The following DPH6 variants were observed in gnomAD, a reference collection of about 807,000 sequenced individuals.
The protein encoded by DPH6 is diphthamine biosynthesis 6.
Under a neutral mutation model 38.2 loss-of-function variants are expected in DPH6, and 33 were observed. That is an observed-to-expected ratio of 0.86 (90% CI 0.65 to 1.15). The LOEUF (loss-of-function observed/expected upper bound fraction) is 1.15, where lower values mean the gene tolerates loss of function less well. DPH6 is among the 50% of genes most tolerant of loss of function. DPH6 has a pLI of 0.00. For synonymous variants in DPH6, 108 were observed against 103.0 expected (o/e 1.05, Z -0.30); for missense variants, 325 against 320.0 (o/e 1.02, Z -0.12).
chr15:35,432,776 G>C (rs1227503362), intron 5 of DPH6, among the ~76,000 whole-genome samples: 1 of 152,068 alleles, frequency 6.6e-6, no homozygotes, highest in Non-Finnish European at 1.5e-5. Flanking sequence ...GAATTAAGAA[G>C]AAAATAAAGG....
At chr15:35,410,696 G>T in intron 6 of DPH6, 139 bp downstream of exon 6, 1 of 662,370 alleles carries the variant, frequency 1.5e-6, no homozygotes, top group South Asian at 2.5e-5. Context: ...TCCATTTGAA[G>T]TTTAATTTTT....
At chr15:35,341,046 A>T (rs1260777019) in intron 3 of DPH6, among the ~76,000 whole-genome samples, 1 of 152,124 alleles carries the variant, frequency 6.6e-6, no homozygotes, top group East Asian at 1.9e-4. Flanking sequence ...ACATAATTCC[A>T]TAATTCTTGG....
At chr15:35,245,226 T>C (rs1445480865) in intron 3 of DPH6, among the ~76,000 whole-genome samples, 2 of 147,752 alleles carry the variant, frequency 1.4e-5, no homozygotes, top group Non-Finnish European at 3.0e-5. Context: ...TGGGTCATTG[T>C]TCTTGCTTTT....
chr15:35,298,780 C>T (rs1473864600), intron 3 of DPH6: 26 of 1,284,632 alleles, frequency 2.0e-5, no homozygotes, highest in Middle Eastern at 2.1e-4. Context: ...TGCGCTGGGC[C>T]GGGTTGGAGA....
chr15:35,231,910 C>T (rs999841345), intron 3 of DPH6, among the ~76,000 whole-genome samples: 3 of 152,096 alleles, frequency 2.0e-5, no homozygotes, highest in Non-Finnish European at 2.9e-5. Flanking sequence ...TCACTCATTA[C>T]CACGGGTAGG....
At chr15:35,285,092 G>C (rs1038266292) in intron 3 of DPH6, among the ~76,000 whole-genome samples, 13 of 152,026 alleles carry the variant, frequency 8.6e-5, no homozygotes, top group Non-Finnish European at 1.6e-4. Flanking sequence ...TTACAGGTGT[G>C]AGCCACCATG....
intron 3 of DPH6, among the ~76,000 whole-genome samples, chr15:35,232,534 C>T (rs571883337): frequency 6.6e-6 from 1 of 152,078 alleles, no homozygotes; most frequent in Admixed American, 6.5e-5. Flanking sequence ...TGAGCTGAGA[C>T]CGCACCACTG....
the DPH6 span, among the ~76,000 whole-genome samples, chr15:35,201,598 A>G: frequency 6.6e-6 from 1 of 151,764 alleles, no homozygotes; most frequent in Non-Finnish European, 1.5e-5. Context: ...ATAATTCTTG[A>G]CATTTATTTG....
downstream of DPH6, among the ~76,000 whole-genome samples, chr15:35,328,728 T>C (rs537179892): frequency 8.3e-4 from 127 of 152,230 alleles, no homozygotes; most frequent in Non-Finnish European, 1.4e-3. Flanking sequence ...ATAATGTCAT[T>C]AGTCCAAACA....
intron 3 of DPH6, among the ~76,000 whole-genome samples, chr15:35,350,603 C>T (rs1036589659): frequency 1.3e-5 from 2 of 152,122 alleles, no homozygotes; most frequent in African/African-American, 4.8e-5. Flanking sequence ...GCTGCTTTTG[C>T]TGCATCCAAT....
intron 3 of DPH6, among the ~76,000 whole-genome samples, chr15:35,496,567 A>AAAAAAAATATATATATATAT: frequency 5.5e-4 from 17 of 31,002 alleles, no homozygotes; most frequent in African/African-American, 1.8e-3. Context: ...AAAAAAAAAA[A>AAAAAAAATATATATATATAT]ATATATATAT....
intron 6 of DPH6, among the ~76,000 whole-genome samples, chr15:35,382,616 G>A (rs1032532783): frequency 2.0e-5 from 3 of 152,242 alleles, no homozygotes; most frequent in Non-Finnish European, 4.4e-5. Context: ...GAATGAAAAC[G>A]CTGTGTTTAG....
intron 3 of DPH6, among the ~76,000 whole-genome samples, chr15:35,497,255 CAAT>C (rs1322391018): frequency 6.6e-6 from 1 of 152,140 alleles, no homozygotes; most frequent in Non-Finnish European, 1.5e-5. Context: ...GCCTGTCAAA[CAAT>C]AAGTAGTCAA....
At chr15:35,383,645 A>C (rs2052902207) in intron 6 of DPH6, among the ~76,000 whole-genome samples, 1 of 152,214 alleles carries the variant, frequency 6.6e-6, no homozygotes, top group Non-Finnish European at 1.5e-5. Context: ...ATAGGTTCCA[A>C]GTCAAGAAAT....
chr15:35,406,386 GC>G (rs2053293852), intron 6 of DPH6, among the ~76,000 whole-genome samples: 1 of 151,966 alleles, frequency 6.6e-6, no homozygotes, highest in African/African-American at 2.4e-5. Context: ...TTATTTTGAA[GC>G]ATGGGGAGCA....
chr15:35,521,895 T>C, intron 3 of DPH6: 1 of 1,397,956 alleles, frequency 7.2e-7, no homozygotes, highest in Non-Finnish European at 9.2e-7. Context: ...ATTACATTCC[T>C]TGGGATGAAT....
intron 3 of DPH6, among the ~76,000 whole-genome samples, chr15:35,509,723 T>A (rs377138739): frequency 6.6e-6 from 1 of 152,228 alleles, no homozygotes; most frequent in Non-Finnish European, 1.5e-5. Flanking sequence ...ACAAAATCTA[T>A]GCTTAATATT....
At chr15:35,330,014 G>T (rs1027167622), downstream of DPH6, among the ~76,000 whole-genome samples, 1 of 152,048 alleles carries the variant, frequency 6.6e-6, no homozygotes, top group African/African-American at 2.4e-5. Context: ...AAATACTAGA[G>T]AATTTTTGCA....
At chr15:35,268,141 G>C (rs1277494153) in intron 3 of DPH6, among the ~76,000 whole-genome samples, 2 of 151,618 alleles carry the variant, frequency 1.3e-5, no homozygotes, top group African/African-American at 4.8e-5. Context: ...CTGCACTCCA[G>C]CCTGGGCGAC....
Sources: allele counts gnomAD v4.1 joint callset (sites outside exome capture counted in the v4.1 genomes callset), GRCh38; gene constraint gnomAD v4.1.1; transcripts MANE v1.5; gene names NCBI Gene and HGNC (gene_info 2026-07-23, HGNC 2026-07-21).